CBL: variants seen among roughly 807,000 people sequenced by gnomAD.
CBL encodes E3 ubiquitin-protein ligase CBL.
Under a neutral mutation model 96.9 loss-of-function variants are expected in CBL, and 45 were observed. The ratio of observed to expected loss-of-function variants is 0.46; its 90% CI spans 0.37 to 0.60. CBL has a LOEUF of 0.60. CBL is among the 20% of genes least tolerant of loss of function. The pLI, the probability that CBL is intolerant of heterozygous loss-of-function variation, is 0.00. For synonymous variants in CBL, 420 were observed against 426.8 expected (o/e 0.98, Z 0.20); for missense variants, 1,024 against 1,143.5 (o/e 0.90, Z 1.51).
chr11:119,235,700 A>G (rs1000024416), intron 2 of CBL, among the ~76,000 whole-genome samples: 1 of 152,346 alleles, frequency 6.6e-6, no homozygotes, highest in African/African-American at 2.4e-5. Flanking sequence ...GAATCCACAC[A>G]GTTAAACCCA....
chr11:119,302,922 T>C lies in CBL; in HGVS notation c.*3141T>C, dbSNP rs1480561988. Reference sequence around the variant, plus strand: ...CTACCATTCTTCTCCTCTCTTTCTCTTCTTATACAGACCCTCATTACTGGG... The same window carrying C: ...CTACCATTCTTCTCCTCTCTTTCTCCTCTTATACAGACCCTCATTACTGGG... On this transcript the variant is annotated 3_prime_UTR_variant, in exon 16 of 16. Coordinates refer to ENST00000264033, the MANE Select transcript of CBL (RefSeq NM_005188.4). The C allele has an allele frequency of 8.7e-6, 2 of 230,028 alleles. No individual in the cohort carries two copies. The highest frequency in any genetic ancestry group is 1.7e-5 in the Non-Finnish European group (2 of 116,058). The allele number at this position is 230,028 out of a possible 1,614,324, so 14.2% of individuals were successfully genotyped here.
chr11:119,242,654 C>T lies in CBL; in HGVS notation c.443+9959C>T, dbSNP rs190684371. Among the ~76,000 whole-genome samples the T allele has an allele frequency of 1.1e-4, 17 of 149,944 alleles. No individual in the cohort carries two copies. In the East Asian group the frequency reaches 3.1e-3, roughly 28 times the overall value. On this transcript the variant is annotated intron_variant, in intron 2 of 15. Coordinates refer to ENST00000264033, the MANE Select transcript of CBL (RefSeq NM_005188.4). Reference sequence around the variant, plus strand: ...TGTGGTGGCATGCATACCTGAAGTCCCAGCTACTCAGGAGGCAGTTGAGGT... The same window carrying T: ...TGTGGTGGCATGCATACCTGAAGTCTCAGCTACTCAGGAGGCAGTTGAGGT...
intron 7 of CBL, 43 bp from the exon 8 acceptor site, chr11:119,278,123 T>C (rs1229348068): frequency 7.0e-7 from 1 of 1,431,240 alleles, no homozygotes; most frequent in South Asian, 1.2e-5. Context: ...ATAATTGCAG[T>C]TATTTATTCA....
chr11:119,259,258 A>G (rs888045516), intron 2 of CBL, among the ~76,000 whole-genome samples: 2 of 152,028 alleles, frequency 1.3e-5, no homozygotes, highest in African/African-American at 2.4e-5. Context: ...TCCTCTTCCA[A>G]TTTGGGTGCC....
chr11:119,279,017 A>G (rs1949911889), intron 9 of CBL, among the ~76,000 whole-genome samples: 1 of 152,052 alleles, frequency 6.6e-6, no homozygotes, highest in South Asian at 2.1e-4. Context: ...TGTGAGCTGC[A>G]TCTATGACCA....
At chr11:119,208,444 G>GCGTAA (rs1949291513) in intron 1 of CBL, among the ~76,000 whole-genome samples, 1 of 151,144 alleles carries the variant, frequency 6.6e-6, no homozygotes, top group Non-Finnish European at 1.5e-5. Context: ...AGGCTGGAGT[G>GCGTAA]CATGGTGCGA....
At chr11:119,272,290 T>G (rs951236303) in intron 3 of CBL, among the ~76,000 whole-genome samples, 5 of 152,040 alleles carry the variant, frequency 3.3e-5, no homozygotes, top group South Asian at 2.1e-4. Context: ...CCCGGCTAAT[T>G]TTTTGCATTT....
chr11:119,240,812 C>G (rs932113666), intron 2 of CBL, among the ~76,000 whole-genome samples: 1 of 152,230 alleles, frequency 6.6e-6, no homozygotes, highest in African/African-American at 2.4e-5. Context: ...GTGGCTCATG[C>G]CTGTAATGCC....
intron 2 of CBL, among the ~76,000 whole-genome samples, chr11:119,260,141 CT>C (rs970126222): frequency 6.6e-6 from 1 of 152,138 alleles, no homozygotes; most frequent in African/African-American, 2.4e-5. Flanking sequence ...CCAACTTCCT[CT>C]TTCATGTCCC....
chr11:119,280,525 A>T (rs533355072), intron 9 of CBL, among the ~76,000 whole-genome samples: 68 of 152,156 alleles, frequency 4.5e-4, no homozygotes, highest in African/African-American at 1.6e-3. Context: ...ATCCTGGTAG[A>T]TGTTGTTTGT....
At chr11:119,281,152 T>TA (rs1206941704) in intron 9 of CBL, among the ~76,000 whole-genome samples, 3 of 152,190 alleles carry the variant, frequency 2.0e-5, no homozygotes, top group Non-Finnish European at 4.4e-5. Context: ...CTGCTCCAGT[T>TA]ACTCCTGTGC....
intron 2 of CBL, among the ~76,000 whole-genome samples, chr11:119,257,301 T>A (rs1241685041): frequency 1.3e-5 from 2 of 152,240 alleles, no homozygotes; most frequent in Non-Finnish European, 2.9e-5. Flanking sequence ...TAATGGCCAC[T>A]CTGGCTGGGG....
chr11:119,268,422 C>T (rs1949819641), intron 2 of CBL, among the ~76,000 whole-genome samples: 1 of 152,126 alleles, frequency 6.6e-6, no homozygotes, highest in Non-Finnish European at 1.5e-5. Flanking sequence ...AGGTTTTGAA[C>T]TTGTGGGAAG....
intron 2 of CBL, among the ~76,000 whole-genome samples, chr11:119,253,868 C>T (rs189518869): frequency 6.2e-4 from 93 of 150,876 alleles, no homozygotes; most frequent in African/African-American, 2.2e-3. Flanking sequence ...ACAAAAATAT[C>T]ATCAGCCAGT....
chr11:119,253,450 CAAAA>C (rs66912490), intron 2 of CBL, among the ~76,000 whole-genome samples: 1 of 85,032 alleles, frequency 1.2e-5, no homozygotes, highest in Non-Finnish European at 2.3e-5. Context: ...GACCTCATCT[CAAAA>C]AAAAAAAAAA....
rs138124151 is a variant in CBL at position 119,300,294 on chromosome 11, A to G, written c.*513A>G. The G allele has an allele frequency of 7.7e-4, 334 of 433,662 alleles. No individual in the cohort carries two copies. The South Asian group carries it at 8.9e-3, about 12-fold the overall frequency. The allele number at this position is 433,662 out of a possible 1,614,324, so 26.9% of individuals were successfully genotyped here. A position where few individuals can be genotyped will look rare whatever the true frequency, so the allele number is the denominator to read the frequency against. On this transcript the variant is annotated 3_prime_UTR_variant, in exon 16 of 16. Coordinates refer to ENST00000264033, the MANE Select transcript of CBL (RefSeq NM_005188.4). ...TTCCATCTACTGTGGTATTATACCC[A>G]AGCCTAGTGTGTATTACAACTTCAA...
chr11:119,225,484 A>G (rs1949451144), intron 1 of CBL, among the ~76,000 whole-genome samples: 1 of 152,090 alleles, frequency 6.6e-6, no homozygotes. Flanking sequence ...CTGCAGCCTC[A>G]GCCTCCTAGG....
chr11:119,266,552 C>T (rs993173165), intron 2 of CBL, among the ~76,000 whole-genome samples: 4 of 151,676 alleles, frequency 2.6e-5, no homozygotes, highest in Non-Finnish European at 1.5e-5. Context: ...TTGCTTTGGG[C>T]CTGAGGCACA....
At chr11:119,253,936 C>G (rs1949691142) in intron 2 of CBL, among the ~76,000 whole-genome samples, 1 of 140,662 alleles carries the variant, frequency 7.1e-6, no homozygotes, top group Non-Finnish European at 1.5e-5. Context: ...GGTGAGATCA[C>G]TTGAGGCCAG....
Sources: gnomAD v4.1 joint callset for allele counts (sites outside exome capture counted in the v4.1 genomes callset) on GRCh38, gnomAD v4.1.1 for gene constraint, MANE v1.5 for transcripts, NCBI Gene and HGNC (gene_info 2026-07-23, HGNC 2026-07-21) for gene names.